The following AIM2 variants were observed in gnomAD, a reference collection of about 807,000 sequenced individuals.
AIM2 encodes the protein absent in melanoma 2, also known as interferon-inducible protein AIM2.
AIM2 carries 30 observed loss-of-function variants against 27.7 expected under a neutral mutation model. The ratio of observed to expected loss-of-function variants is 1.08; its 90% CI spans 0.81 to 1.47. The LOEUF (loss-of-function observed/expected upper bound fraction) is 1.47, where lower values mean the gene tolerates loss of function less well. Among genes scored for constraint, AIM2 ranks in the 40% most tolerant of loss-of-function variants. The pLI, the probability that AIM2 is intolerant of heterozygous loss-of-function variation, is 0.00. For synonymous variants in AIM2, 141 were observed against 145.3 expected, an observed-to-expected ratio of 0.97 and a Z score of 0.21; for missense variants, 358 against 411.3, an observed-to-expected ratio of 0.87 and a Z score of 1.12.
At chr1:159,082,713 G>A (rs934118408) in intron 1 of AIM2, among the ~76,000 whole-genome samples, 8 of 151,950 alleles carry the variant, frequency 5.3e-5, no homozygotes, top group Non-Finnish European at 1.2e-4. Context: ...AGATCTAATC[G>A]CCTCCCCAAA....
At chr1:159,087,696 T>C (rs976505362) in intron 1 of AIM2, among the ~76,000 whole-genome samples, 15 of 151,458 alleles carry the variant, frequency 9.9e-5, no homozygotes, top group African/African-American at 3.6e-4. Flanking sequence ...CTTCAGCCTC[T>C]GGAGTACCTT....
At chr1:159,120,098 T>C (rs1236001532) in intron 1 of AIM2, among the ~76,000 whole-genome samples, 2 of 152,154 alleles carry the variant, frequency 1.3e-5, no homozygotes, top group African/African-American at 2.4e-5. Context: ...ATTTCTCTTT[T>C]CTCATACATT....
At chr1:159,104,040 A>C (rs1209511728) in intron 1 of AIM2, among the ~76,000 whole-genome samples, 1 of 151,774 alleles carries the variant, frequency 6.6e-6, no homozygotes, top group African/African-American at 2.4e-5. Flanking sequence ...CACTTTTTTT[A>C]TTTTATTTTA....
At chr1:159,146,820 C>T (rs1196640587) in intron 1 of AIM2, among the ~76,000 whole-genome samples, 1 of 152,120 alleles carries the variant, frequency 6.6e-6, no homozygotes, top group East Asian at 1.9e-4. Context: ...GACTTAGAGT[C>T]TTTGTTATTG....
At chr1:159,061,005 T>C (rs1655816407), downstream of AIM2, among the ~76,000 whole-genome samples, 1 of 152,186 alleles carries the variant, frequency 6.6e-6, no homozygotes, top group African/African-American at 2.4e-5. Context: ...CCACCAGCAA[T>C]AAGTAAGAGT....
Position 159,066,093 on chromosome 1 carries a change from T to C in AIM2, c.633A>G (p.Arg211=). ...CTAAGAAACCACTGTGCCGATAATA[T>C]CTTGCTATTATAATTATTCTCTTTG... is the stretch of plus-strand genomic sequence containing the variant. ...FIPKRIIIIA[R]YYRHSGFLEV... The change falls in exon 4 of 6, where the codon AGA becomes AGG. Residue 211 remains arginine (R), a synonymous_variant. Coordinates refer to ENST00000368130, the MANE Select transcript of AIM2 (RefSeq NM_004833.3). The C allele has an allele frequency of 6.2e-7, 1 of 1,614,156 alleles. No individual in the cohort carries two copies. Among genetic ancestry groups the C allele is most frequent in the Non-Finnish European group, 8.5e-7 (1 of 1,180,004 alleles).
rs79316031 is a variant in AIM2 at position 159,067,797 on chromosome 1, T to C, written c.396+771A>G. Among the ~76,000 whole-genome samples, 1,006 of 152,100 alleles carry C rather than the reference T, an allele frequency of 6.6e-3. 11 individuals are homozygous for C. Among genetic ancestry groups the C allele is most frequent in the African/African-American group, 0.023 (952 of 41,508 alleles). ...TAGAGCTCACACAGGTATAAAATAATGTAATACCTGCTTCATAGGAAATGA... is the reference window on the plus strand; with the variant it reads ...TAGAGCTCACACAGGTATAAAATAACGTAATACCTGCTTCATAGGAAATGA... On this transcript the variant is annotated intron_variant, in intron 3 of 5. Transcript: ENST00000368130.
At chr1:159,067,246 T>C (rs1378347690) in intron 3 of AIM2, among the ~76,000 whole-genome samples, 1 of 152,212 alleles carries the variant, frequency 6.6e-6, no homozygotes, top group Non-Finnish European at 1.5e-5. Context: ...TGTATTTTTT[T>C]CCTAGACGAT....
At chr1:159,090,162 C>T (rs1196015934) in intron 1 of AIM2, among the ~76,000 whole-genome samples, 6 of 152,212 alleles carry the variant, frequency 3.9e-5, no homozygotes, top group Non-Finnish European at 5.9e-5. Flanking sequence ...CTTCTCCCTC[C>T]GCCCAACCCA....
At chr1:159,143,718 C>T (rs1487835766), upstream of AIM2, among the ~76,000 whole-genome samples, 3 of 152,064 alleles carry the variant, frequency 2.0e-5, no homozygotes, top group East Asian at 3.9e-4. Context: ...CTTATAAGAT[C>T]ATGTGTTGTC....
At position 159,066,189 on chromosome 1, in the gene AIM2, A is replaced by C; in HGVS notation, c.537T>G (p.Ala179=). The C allele has an allele frequency of 1.2e-6, 2 of 1,614,226 alleles. No homozygotes were observed. The highest frequency in any genetic ancestry group is 1.7e-6 in the Non-Finnish European group (2 of 1,180,040). The change falls in exon 4 of 6, where the codon GCT becomes GCG. Residue 179 remains alanine, a synonymous_variant. Transcript: ENST00000368130. ...AGAATTCCTTTTCTGTAGCCACTGT[A>C]GCATGAAACATCTCCTGCTTGCCTT... ...TQEGKQEMFH[A]TVATEKEFFF... is the part of the protein sequence containing the mutation.
intron 1 of AIM2, among the ~76,000 whole-genome samples, chr1:159,096,290 G>C (rs898807524): frequency 6.6e-6 from 1 of 152,158 alleles, no homozygotes; most frequent in African/African-American, 2.4e-5. Flanking sequence ...GGCCTTGGGA[G>C]GGTTACTTAG....
At chr1:159,090,481 A>G (rs1334513516) in intron 1 of AIM2, among the ~76,000 whole-genome samples, 2 of 152,228 alleles carry the variant, frequency 1.3e-5, no homozygotes, top group African/African-American at 4.8e-5. Context: ...TTCACATTTC[A>G]TAATTTTGTC....
chr1:159,089,383 A>G (rs1389539563), intron 1 of AIM2, among the ~76,000 whole-genome samples: 1 of 152,214 alleles, frequency 6.6e-6, no homozygotes, highest in Non-Finnish European at 1.5e-5. Context: ...ACTAAAAAAC[A>G]CTGCCTCCTG....
chr1:159,083,254 T>C (rs187526034), intron 1 of AIM2, among the ~76,000 whole-genome samples: 8 of 152,256 alleles, frequency 5.3e-5, no homozygotes, highest in Non-Finnish European at 1.2e-4. Flanking sequence ...ATGATGTACA[T>C]GTATTTGTAA....
At chr1:159,071,801 C>T (rs573389521) in intron 2 of AIM2, among the ~76,000 whole-genome samples, 1 of 152,302 alleles carries the variant, frequency 6.6e-6, no homozygotes, top group Admixed American at 6.5e-5. Context: ...TGAGCCACTG[C>T]GCCTGGCCCA....
chr1:159,138,270 G>A (rs1373701645), intron 1 of AIM2, among the ~76,000 whole-genome samples: 1 of 152,062 alleles, frequency 6.6e-6, no homozygotes, highest in Non-Finnish European at 1.5e-5. Flanking sequence ...CCACCACACT[G>A]ACCTGTCAGC....
chr1:159,082,903 G>T (rs934065894), intron 1 of AIM2, among the ~76,000 whole-genome samples: 1 of 152,128 alleles, frequency 6.6e-6, no homozygotes, highest in South Asian at 2.1e-4. Flanking sequence ...GGGACGGAAA[G>T]CTCAAAAAAG....
intron 4 of AIM2, among the ~76,000 whole-genome samples, chr1:159,065,650 A>T (rs930713125): frequency 2.6e-5 from 4 of 152,256 alleles, no homozygotes; most frequent in African/African-American, 9.6e-5. Context: ...CAGAAATAAA[A>T]ATTATGTGAA....
Sources: gnomAD v4.1 joint callset for allele counts (sites outside exome capture counted in the v4.1 genomes callset) on GRCh38, gnomAD v4.1.1 for gene constraint, MANE v1.5 for transcripts, NCBI Gene and HGNC (gene_info 2026-07-23, HGNC 2026-07-21) for gene names.